The following GSTCD variants were observed in gnomAD, a reference collection of about 807,000 sequenced individuals.
The protein encoded by GSTCD is glutathione S-transferase C-terminal domain-containing protein.
Under a neutral mutation model 68.3 loss-of-function variants are expected in GSTCD, and 44 were observed. The observed-to-expected ratio is 0.64, with a 90% CI of 0.51 to 0.83. The LOEUF is 0.83. Ranked by LOEUF, GSTCD falls within the 40% of genes least tolerant of loss-of-function variation. The pLI, the probability that GSTCD is intolerant of heterozygous loss-of-function variation, is 0.00. For missense variants in GSTCD, 739 were observed against 735.9 expected (o/e 1.00, Z -0.05); for synonymous variants, 273 against 255.2 (o/e 1.07, Z -0.67).
chr4:105,754,071 T>A (rs1734100239), intron 5 of GSTCD, among the ~76,000 whole-genome samples: 1 of 152,160 alleles, frequency 6.6e-6, no homozygotes, highest in African/African-American at 2.4e-5. Flanking sequence ...TCATTACGAT[T>A]GAAATTGGCA....
At chr4:105,715,136 G>A (rs919340091) in intron 1 of GSTCD, among the ~76,000 whole-genome samples, 1 of 152,130 alleles carries the variant, frequency 6.6e-6, no homozygotes, top group African/African-American at 2.4e-5. Context: ...AGGAGAGTGA[G>A]TCCAGAGCAA....
At chr4:105,754,105 T>A (rs1734101542) in intron 5 of GSTCD, among the ~76,000 whole-genome samples, 1 of 152,150 alleles carries the variant, frequency 6.6e-6, no homozygotes, top group African/African-American at 2.4e-5. Context: ...TCCAGACAGT[T>A]ATGATAAAAA....
chr4:105,748,011 T>G (rs1427161668), intron 5 of GSTCD, among the ~76,000 whole-genome samples: 1 of 152,100 alleles, frequency 6.6e-6, no homozygotes, highest in Non-Finnish European at 1.5e-5. Context: ...TCCCAGCACT[T>G]TGGGAAGCTG....
chr4:105,837,069 C>T (rs1235308980), intron 9 of GSTCD, among the ~76,000 whole-genome samples: 1 of 152,172 alleles, frequency 6.6e-6, no homozygotes, highest in Non-Finnish European at 1.5e-5. Flanking sequence ...GCTGTGACAA[C>T]AGTGATTTCC....
At chr4:105,743,264 C>CT (rs1733695933) in intron 5 of GSTCD, among the ~76,000 whole-genome samples, 1 of 151,950 alleles carries the variant, frequency 6.6e-6, no homozygotes, top group Non-Finnish European at 1.5e-5. Context: ...ATTTCTTATA[C>CT]TTTGTATTTT....
chr4:105,821,499 C>A (rs2149274004), intron 5 of GSTCD, among the ~76,000 whole-genome samples: 1 of 151,938 alleles, frequency 6.6e-6, no homozygotes, highest in African/African-American at 2.4e-5. Flanking sequence ...TCTGTCATCA[C>A]AAATGAAGTC....
chr4:105,795,564 G>A (rs1275365581), intron 5 of GSTCD, among the ~76,000 whole-genome samples: 2 of 151,970 alleles, frequency 1.3e-5, no homozygotes, highest in African/African-American at 2.4e-5. Flanking sequence ...GTGTGCATGT[G>A]TGTATCTATT....
At chr4:105,733,136 G>T (rs1007193712) in intron 5 of GSTCD, among the ~76,000 whole-genome samples, 1 of 152,184 alleles carries the variant, frequency 6.6e-6, no homozygotes, top group Non-Finnish European at 1.5e-5. Flanking sequence ...AATAAGTGTG[G>T]TGTGGTGCTG....
chr4:105,834,419 T>A (rs774379272), intron 8 of GSTCD, 42 bp from the exon 9 acceptor site: 9 of 1,599,478 alleles, frequency 5.6e-6, no homozygotes, highest in Non-Finnish European at 7.7e-6. Context: ...GCACTGTGAG[T>A]TAAGAGGGAA....
intron 5 of GSTCD, among the ~76,000 whole-genome samples, chr4:105,759,021 T>C (rs1734300895): frequency 1.3e-5 from 2 of 152,240 alleles, no homozygotes; most frequent in African/African-American, 4.8e-5. Context: ...TTGCTGAAGG[T>C]ATTTCTGCAG....
intron 5 of GSTCD, among the ~76,000 whole-genome samples, chr4:105,812,182 C>T (rs563143233): frequency 2.0e-5 from 3 of 152,250 alleles, no homozygotes; most frequent in African/African-American, 7.2e-5. Context: ...GGTAAATTTA[C>T]TTCAAATCCA....
chr4:105,754,029 T>C (rs1311758199), intron 5 of GSTCD, among the ~76,000 whole-genome samples: 1 of 152,052 alleles, frequency 6.6e-6, no homozygotes, highest in Non-Finnish European at 1.5e-5. Context: ...TAGATCCCTG[T>C]TTTTCTGCTA....
intron 5 of GSTCD, among the ~76,000 whole-genome samples, chr4:105,751,638 A>G (rs1734012933): frequency 6.6e-6 from 1 of 152,174 alleles, no homozygotes; most frequent in Non-Finnish European, 1.5e-5. Context: ...GGAGTAGCTC[A>G]ATAATTAAGC....
At chr4:105,777,715 T>C (rs955219664) in intron 5 of GSTCD, among the ~76,000 whole-genome samples, 5 of 152,188 alleles carry the variant, frequency 3.3e-5, no homozygotes, top group Non-Finnish European at 7.4e-5. Flanking sequence ...CTCTAAGTCT[T>C]GGTTTTCTCA....
At chr4:105,729,004 T>C (rs766790328) in intron 4 of GSTCD, among the ~76,000 whole-genome samples, 31 of 152,178 alleles carry the variant, frequency 2.0e-4, no homozygotes, top group Non-Finnish European at 4.3e-4. Context: ...GCGATTTTCA[T>C]ATATGTAAAG....
intron 5 of GSTCD, among the ~76,000 whole-genome samples, chr4:105,797,485 C>G (rs1735939998): frequency 6.6e-6 from 1 of 151,900 alleles, no homozygotes; most frequent in African/African-American, 2.4e-5. Context: ...AAAAAGCATA[C>G]ATAATTTTGT....
intron 5 of GSTCD, among the ~76,000 whole-genome samples, chr4:105,814,542 G>T (rs1480387365): frequency 6.6e-6 from 1 of 152,118 alleles, no homozygotes; most frequent in Non-Finnish European, 1.5e-5. Context: ...AACCCTGGAG[G>T]CAGAGGTTGC....
At chr4:105,808,344 T>G (rs1282238364) in intron 5 of GSTCD, among the ~76,000 whole-genome samples, 1 of 152,122 alleles carries the variant, frequency 6.6e-6, no homozygotes. Flanking sequence ...GAGTTATCCC[T>G]GTCTCTTTAT....
At chr4:105,794,706 G>C (rs1735802817) in intron 5 of GSTCD, among the ~76,000 whole-genome samples, 2 of 151,310 alleles carry the variant, frequency 1.3e-5, no homozygotes, top group Admixed American at 1.3e-4. Context: ...TCCTCACCAA[G>C]AAAGTATATT....
Sources: gnomAD v4.1 joint callset for allele counts (sites outside exome capture counted in the v4.1 genomes callset) on GRCh38, gnomAD v4.1.1 for gene constraint, MANE v1.5 for transcripts, NCBI Gene and HGNC (gene_info 2026-07-23, HGNC 2026-07-21) for gene names.